The following KATNAL1 variants were observed in gnomAD, a reference collection of about 807,000 sequenced individuals.
The protein encoded by KATNAL1 is katanin p60 ATPase-containing subunit A-like 1.
KATNAL1 carries 32 observed loss-of-function variants against 55.2 expected under a neutral mutation model. The observed-to-expected ratio is 0.58, with a 90% CI of 0.44 to 0.78. KATNAL1 has a LOEUF of 0.78. Among genes scored for constraint, KATNAL1 ranks in the 30% least tolerant of loss-of-function variants. KATNAL1 has a pLI of 0.00. For synonymous variants in KATNAL1, 193 were observed against 193.6 expected (o/e 1.00, Z 0.02); for missense variants, 466 against 600.9 (o/e 0.78, Z 2.35).
At chr13:30,278,492 TGTA>T (rs1461863891) in intron 3 of KATNAL1, among the ~76,000 whole-genome samples, 2 of 152,246 alleles carry the variant, frequency 1.3e-5, no homozygotes, top group African/African-American at 4.8e-5. Context: ...CTAGTGTCAC[TGTA>T]GTGATATGTT....
intron 8 of KATNAL1, 124 bp downstream of exon 8, chr13:30,230,344 C>A: frequency 1.2e-6 from 1 of 809,556 alleles, no homozygotes; most frequent in Non-Finnish European, 1.8e-6. Flanking sequence ...AACAAATGAA[C>A]AAATAAATGG....
chr13:30,284,625 C>T lies in KATNAL1; in HGVS notation c.-14-834G>A, dbSNP rs1375681606. Among the ~76,000 whole-genome samples the T allele has an allele frequency of 2.6e-5, 4 of 152,290 alleles. No individual in the cohort carries two copies. In the East Asian group the frequency reaches 7.7e-4, roughly 29 times the overall value. On this transcript the variant is annotated intron_variant, in intron 1 of 10. Transcript: ENST00000380615. ...TCATGTAATTGCCTCAAACTTAAAT[C>T]TAAGCAAACACCTATAAATTACACT...
At chr13:30,273,506 A>G (rs1402772733) in intron 3 of KATNAL1, among the ~76,000 whole-genome samples, 1 of 152,264 alleles carries the variant, frequency 6.6e-6, no homozygotes, top group Non-Finnish European at 1.5e-5. Flanking sequence ...AAGGATGGCT[A>G]TGAAGATTTA....
intron 6 of KATNAL1, among the ~76,000 whole-genome samples, chr13:30,232,663 T>C (rs942678989): frequency 2.0e-5 from 3 of 152,174 alleles, no homozygotes; most frequent in Non-Finnish European, 4.4e-5. Context: ...GGCCACCTCC[T>C]ATAGGAGTTA....
chr13:30,252,290 A>T (rs1878391647), intron 4 of KATNAL1, among the ~76,000 whole-genome samples: 1 of 152,236 alleles, frequency 6.6e-6, no homozygotes, highest in African/African-American at 2.4e-5. Context: ...TTCAAAAAGG[A>T]TAAGTGCGCT....
intron 1 of KATNAL1, among the ~76,000 whole-genome samples, chr13:30,287,376 G>T (rs1215708521): frequency 1.3e-5 from 2 of 152,186 alleles, no homozygotes; most frequent in Non-Finnish European, 2.9e-5. Context: ...ATAAGCATCT[G>T]CCATTTCCCC....
chr13:30,248,074 T>C (rs1422115291), intron 4 of KATNAL1, among the ~76,000 whole-genome samples: 3 of 152,232 alleles, frequency 2.0e-5, no homozygotes, highest in African/African-American at 7.2e-5. Context: ...AATAAGGATA[T>C]ACAAATTCTA....
intron 3 of KATNAL1, among the ~76,000 whole-genome samples, chr13:30,268,448 A>T (rs2137497102): frequency 6.6e-6 from 1 of 152,360 alleles, no homozygotes; most frequent in South Asian, 2.1e-4. Context: ...AGTAGTATAA[A>T]TAAAAATAAA....
At chr13:30,301,476 A>G (rs1329485686) in intron 1 of KATNAL1, among the ~76,000 whole-genome samples, 1 of 152,234 alleles carries the variant, frequency 6.6e-6, no homozygotes, top group African/African-American at 2.4e-5. Flanking sequence ...CTCCCCACCA[A>G]GTAATACGAT....
chr13:30,224,265 A>T (rs1184012009), intron 9 of KATNAL1, among the ~76,000 whole-genome samples: 1 of 152,146 alleles, frequency 6.6e-6, no homozygotes, highest in African/African-American at 2.4e-5. Context: ...AAAAAAGGCC[A>T]GGTGCAGTAG....
At chr13:30,255,254 T>G (rs1402851691) in intron 4 of KATNAL1, among the ~76,000 whole-genome samples, 193 bp downstream of exon 4, 2 of 152,210 alleles carry the variant, frequency 1.3e-5, no homozygotes, top group Non-Finnish European at 2.9e-5. Context: ...ATATAGATAT[T>G]TACTACGCCT....
intron 9 of KATNAL1, among the ~76,000 whole-genome samples, chr13:30,213,053 GTGCAACCACCC>G (rs1873845639): frequency 6.6e-6 from 1 of 152,064 alleles, no homozygotes; most frequent in Non-Finnish European, 1.5e-5. Context: ...AGGCCCCAGA[GTGCAACCACCC>G]TGCCTACACC....
chr13:30,274,891 ACGCGCGCGCGCGCG>A (rs138328965), intron 3 of KATNAL1, among the ~76,000 whole-genome samples: 1 of 122,134 alleles, frequency 8.2e-6, no homozygotes, highest in South Asian at 2.5e-4. Context: ...GCACACACAT[ACGCGCGCGCGCGCG>A]CGCACACACA....
intron 9 of KATNAL1, among the ~76,000 whole-genome samples, chr13:30,220,371 G>A (rs572779599): frequency 3.6e-4 from 55 of 152,200 alleles, no homozygotes; most frequent in Middle Eastern, 3.4e-3. Context: ...TGAGGCAGGA[G>A]AATTGCTTGA....
chr13:30,238,388 G>A (rs187312434), intron 6 of KATNAL1, among the ~76,000 whole-genome samples: 55 of 152,294 alleles, frequency 3.6e-4, no homozygotes, highest in African/African-American at 8.9e-4. Context: ...GAAAGGGCTT[G>A]AATTCACATG....
chr13:30,270,523 G>C lies in KATNAL1; in HGVS notation c.323+9540C>G, dbSNP rs550464356. ...AAGATTGAGAAATCGGATGGTTGCC[G>C]TGTCTGTGTAGAAAGAGGTAGACAT... On this transcript the variant is annotated intron_variant, in intron 3 of 10. Transcript: ENST00000380615. 9.8e-3 allele frequency among the ~76,000 whole-genome samples: 1,491 copies of C among 152,266 alleles called. 20 individuals carry two copies. Among genetic ancestry groups the C allele is most frequent in the African/African-American group, 0.034 (1,394 of 41,520 alleles).
Position 30,210,294 on chromosome 13 carries a change from TCA to T in KATNAL1, c.1274+20_1274+21del. The stretch of plus-strand genomic sequence containing the variant: ...CGAAGTCTATAACTAATGTCTAAAA[TCA>T]CAGATCATTAAAAAAATACCTGCAA... On this transcript the variant is annotated intron_variant, in intron 10 of 10. Transcript: ENST00000380615. 3 of 1,576,250 alleles carry T rather than the reference TCA, an allele frequency of 1.9e-6. No individual in the cohort carries two copies. Among genetic ancestry groups the T allele is most frequent in the Non-Finnish European group, 2.6e-6 (3 of 1,164,348 alleles).
intron 9 of KATNAL1, among the ~76,000 whole-genome samples, chr13:30,215,224 G>C (rs1320045287): frequency 6.6e-6 from 1 of 151,922 alleles, no homozygotes; most frequent in African/African-American, 2.4e-5. Flanking sequence ...ACCACAATGA[G>C]ATACCATCTC....
chr13:30,270,894 C>A (rs1880297665), intron 3 of KATNAL1, among the ~76,000 whole-genome samples: 1 of 150,074 alleles, frequency 6.7e-6, no homozygotes, highest in Admixed American at 6.6e-5. Context: ...CGAGAAACAC[C>A]CAAGAATGAT....
Sources: allele counts gnomAD v4.1 joint callset (sites outside exome capture counted in the v4.1 genomes callset), GRCh38; gene constraint gnomAD v4.1.1; transcripts MANE v1.5; gene names NCBI Gene and HGNC (gene_info 2026-07-23, HGNC 2026-07-21).